Variants in CDK15 observed in about 807,000 individuals in gnomAD.
CDK15 encodes cyclin-dependent kinase 15.
CDK15 carries 62 observed loss-of-function variants against 60.3 expected under a neutral mutation model. That is an observed-to-expected ratio of 1.03 (90% CI 0.84 to 1.27). CDK15 has a LOEUF of 1.27. CDK15 is among the 50% of genes most tolerant of loss of function. The pLI, the probability that CDK15 is intolerant of heterozygous loss-of-function variation, is 0.00. For missense variants in CDK15, 541 were observed against 527.8 expected (o/e 1.03, Z -0.25); for synonymous variants, 194 against 195.7 (o/e 0.99, Z 0.07).
intron 9 of CDK15, 62 bp from the exon 10 acceptor site, chr2:201,854,811 AC>A: frequency 7.0e-7 from 1 of 1,420,346 alleles, no homozygotes; most frequent in South Asian, 1.2e-5. Flanking sequence ...ATGTCTCCAT[AC>A]CTCTTCCATC....
chr2:201,807,531 C>A lies in CDK15; in HGVS notation c.161C>A (p.Ser54Ter), dbSNP rs1178799533. 3.1e-6 allele frequency: 5 copies of A among 1,614,050 alleles called. No individual in the cohort carries two copies. The Admixed American group carries it at 8.3e-5, about 27-fold the overall frequency. Reference sequence around the variant, plus strand: ...AAAGAAGCATCATGTTCCATGACTTCATTTCACCCCAGGGGACTTCAAGCT... The same window carrying A: ...AAAGAAGCATCATGTTCCATGACTTAATTTCACCCCAGGGGACTTCAAGCT... ...DLKEASCSMTSFHPRGLQAAR... is the reference protein window; with the variant it reads ...DLKEASCSMT Residue 54 changes from serine (S) to a stop codon, truncating the protein, a stop_gained, in exon 2 of 14, where the codon TCA becomes TAA. Coordinates refer to ENST00000652192, the MANE Select transcript of CDK15 (RefSeq NM_001366386.2). LOFTEE classifies it high-confidence loss of function.
intron 10 of CDK15, among the ~76,000 whole-genome samples, chr2:201,857,424 A>G (rs1402626809): frequency 6.6e-6 from 1 of 152,020 alleles, no homozygotes; most frequent in African/African-American, 2.4e-5. Context: ...AAATAAGTCA[A>G]AAATTTTCAG....
intron 8 of CDK15, among the ~76,000 whole-genome samples, chr2:201,836,093 T>C (rs1697048565): frequency 1.6e-5 from 2 of 124,516 alleles, no homozygotes; most frequent in East Asian, 4.1e-4. Context: ...TTTATATATT[T>C]ATATATATTT....
chr2:201,860,200 C>T (rs985211231), intron 10 of CDK15, among the ~76,000 whole-genome samples: 1 of 152,164 alleles, frequency 6.6e-6, no homozygotes, highest in African/African-American at 2.4e-5. Context: ...TTCATTTCAC[C>T]AAACTCAAAA....
At chr2:201,853,064 C>T (rs946637399) in intron 9 of CDK15, among the ~76,000 whole-genome samples, 1 of 152,150 alleles carries the variant, frequency 6.6e-6, no homozygotes, top group Non-Finnish European at 1.5e-5. Flanking sequence ...TGTATGGGTA[C>T]ATGTGACTCA....
chr2:201,819,024 T>C (rs1204352312), intron 4 of CDK15, among the ~76,000 whole-genome samples: 2 of 151,942 alleles, frequency 1.3e-5, no homozygotes, highest in African/African-American at 4.8e-5. Flanking sequence ...TTCTCAATTG[T>C]GGAGACAGAC....
chr2:201,823,913 AAG>A (rs750004454), intron 6 of CDK15, among the ~76,000 whole-genome samples, 186 bp downstream of exon 6: 3 of 152,226 alleles, frequency 2.0e-5, no homozygotes, highest in Non-Finnish European at 4.4e-5. Context: ...AAAAAAGAAA[AAG>A]AGTTGCTGAG....
intron 10 of CDK15, among the ~76,000 whole-genome samples, chr2:201,871,275 T>C (rs1167277929): frequency 6.6e-6 from 1 of 152,062 alleles, no homozygotes; most frequent in Non-Finnish European, 1.5e-5. Flanking sequence ...TCCTCCCAGT[T>C]CACCCTTTCA....
At chr2:201,888,800 A>T in intron 12 of CDK15, 2 of 1,149,238 alleles carry the variant, frequency 1.7e-6, no homozygotes, top group Non-Finnish European at 2.1e-6. Flanking sequence ...CCAGCTTTTC[A>T]TGCCACTGTC....
chr2:201,816,456 T>TTTG (rs1553520797), intron 4 of CDK15, among the ~76,000 whole-genome samples: 3 of 1,184 alleles, frequency 2.5e-3, no homozygotes. Flanking sequence ...AAGGAAATGG[T>TTTG]TTTTTTTTTT....
At chr2:201,841,341 T>G (rs1452883866) in intron 8 of CDK15, among the ~76,000 whole-genome samples, 1 of 152,254 alleles carries the variant, frequency 6.6e-6, no homozygotes. Flanking sequence ...GTTATTACTC[T>G]TATTCATTCC....
At chr2:201,879,096 A>T (rs555784906) in intron 11 of CDK15, among the ~76,000 whole-genome samples, 1 of 152,198 alleles carries the variant, frequency 6.6e-6, no homozygotes, top group African/African-American at 2.4e-5. Context: ...GTTGCTCAAT[A>T]AATGTATTTG....
chr2:201,854,666 A>AG (rs1233522153), intron 9 of CDK15: 31 of 561,822 alleles, frequency 5.5e-5, no homozygotes, highest in Middle Eastern at 4.6e-4. Flanking sequence ...CCCGGACCAT[A>AG]GGAATGTATT....
chr2:201,845,846 AG>A (rs1043038312), intron 8 of CDK15, among the ~76,000 whole-genome samples: 4 of 57,880 alleles, frequency 6.9e-5, no homozygotes, highest in Admixed American at 2.7e-4. Flanking sequence ...AAAAAAAAAA[AG>A]AGAGAGAGAG....
At chr2:201,863,052 T>A (rs748706687) in intron 10 of CDK15, among the ~76,000 whole-genome samples, 1 of 152,208 alleles carries the variant, frequency 6.6e-6, no homozygotes, top group Non-Finnish European at 1.5e-5. Flanking sequence ...GAACCTCGAT[T>A]GGGCTCATTA....
chr2:201,807,411 G>A (rs551610873), intron 1 of CDK15, 83 bp from the exon 2 acceptor site: 4 of 1,391,770 alleles, frequency 2.9e-6, no homozygotes, highest in Admixed American at 2.1e-5. Flanking sequence ...TGAAAATGAG[G>A]CAAATAAAGA....
At chr2:201,858,983 C>T (rs1023446279) in intron 10 of CDK15, among the ~76,000 whole-genome samples, 2 of 152,128 alleles carry the variant, frequency 1.3e-5, no homozygotes, top group Admixed American at 1.3e-4. Flanking sequence ...CTGAGGCGCC[C>T]GTGATTGGCT....
chr2:201,839,663 T>TAGACAGACAGAC (rs139883044), intron 8 of CDK15, among the ~76,000 whole-genome samples: 6 of 146,868 alleles, frequency 4.1e-5, no homozygotes, highest in Admixed American at 2.0e-4. Flanking sequence ...AGAAAAGATA[T>TAGACAGACAGAC]AGACAGACAG....
At chr2:201,865,331 G>GA (rs146914824) in intron 10 of CDK15, among the ~76,000 whole-genome samples, 4,268 of 152,238 alleles carry the variant, frequency 0.028, 201 homozygotes, top group African/African-American at 0.097. Flanking sequence ...TAAGAGAGGG[G>GA]AGAGTCCTGA....
Sources: gnomAD v4.1 joint callset for allele counts (sites outside exome capture counted in the v4.1 genomes callset) on GRCh38, gnomAD v4.1.1 for gene constraint, MANE v1.5 for transcripts, NCBI Gene and HGNC (gene_info 2026-07-23, HGNC 2026-07-21) for gene names.